Variants in RMND1 observed in about 807,000 individuals in gnomAD.
RMND1 encodes the protein required for meiotic nuclear division 1 homolog.
RMND1 carries 41 observed loss-of-function variants against 54.0 expected under a neutral mutation model. The observed-to-expected ratio is 0.76, with a 90% CI of 0.59 to 0.98. RMND1 has a LOEUF of 0.98. Ranked by LOEUF, RMND1 falls within the 50% of genes least tolerant of loss-of-function variation. The pLI is 0.00. For synonymous variants in RMND1, 183 were observed against 181.7 expected (o/e 1.01, Z -0.06); for missense variants, 457 against 532.0 (o/e 0.86, Z 1.39).
intron 10 of RMND1, chr6:151,411,993 G>A (rs1440027147): frequency 6.6e-6 from 1 of 152,096 alleles, no homozygotes; most frequent in Non-Finnish European, 1.5e-5. Context: ...CCCTACCCTC[G>A]AGCGTAGGCT....
chr6:151,405,366 T>TA lies in RMND1; in HGVS notation c.1318-100dup, dbSNP rs1779576266. The TA allele has an allele frequency of 3.4e-6, 4 of 1,178,760 alleles. No individual in the cohort carries two copies. The African/African-American group carries it at 6.1e-5, about 18-fold the overall frequency. 73.0% of individuals were successfully genotyped at this position (1,178,760 alleles called of 1,614,324 possible). ...TGATTAATGAGAAATGCTCCTGAAG[T>TA]AAGGTAAATGTTTGCCCTTTCTCAC... On this transcript the variant is annotated intron_variant, in intron 11 of 11. Transcript: ENST00000444024.
At position 151,405,209 on chromosome 6, in the gene RMND1, G is replaced by A. The variant is rs372796438; in HGVS notation, c.*26C>T. ...TGATTGTAGAACTTGAATATCTCTT[G>A]CAGTGACACTTTGGTTATCACTTGA... On this transcript the variant is annotated 3_prime_UTR_variant, in exon 12 of 12. Coordinates refer to ENST00000444024, the MANE Select transcript of RMND1 (RefSeq NM_017909.4). 2 of 1,596,466 alleles carry A rather than the reference G, an allele frequency of 1.3e-6. No individual in the cohort carries two copies. The highest frequency in any genetic ancestry group is 4.5e-5 in the East Asian group (2 of 44,732).
intron 4 of RMND1, among the ~76,000 whole-genome samples, chr6:151,432,806 T>C (rs1021820224): frequency 6.6e-6 from 1 of 150,964 alleles, no homozygotes; most frequent in African/African-American, 2.4e-5. Context: ...AGCAGGGAGG[T>C]AGCGGGAGTT....
intron 9 of RMND1, among the ~76,000 whole-genome samples, chr6:151,418,026 G>A (rs144972613): frequency 0.092 from 13,984 of 151,992 alleles, 704 homozygotes; most frequent in Middle Eastern, 0.17. Context: ...GGCTGGTCTC[G>A]AACTCCTGAC....
chr6:151,448,500 T>C (rs1464067826), intron 1 of RMND1, among the ~76,000 whole-genome samples: 1 of 152,172 alleles, frequency 6.6e-6, no homozygotes, highest in Non-Finnish European at 1.5e-5. Context: ...AATAAGTATC[T>C]TTATAACTGC....
At chr6:151,410,157 C>A (rs964709933) in intron 10 of RMND1, among the ~76,000 whole-genome samples, 12 of 151,894 alleles carry the variant, frequency 7.9e-5, no homozygotes, top group African/African-American at 2.9e-4. Flanking sequence ...CGGGTTCACG[C>A]CATTCTCCTG....
At chr6:151,444,499 A>G (rs1359489747) in intron 2 of RMND1, 1 of 152,182 alleles carries the variant, frequency 6.6e-6, no homozygotes, top group African/African-American at 2.4e-5. Context: ...CAGTAATAAA[A>G]ACACAGCCAA....
chr6:151,409,324 G>T (rs564464871), intron 10 of RMND1, among the ~76,000 whole-genome samples: 20 of 152,158 alleles, frequency 1.3e-4, no homozygotes, highest in Admixed American at 1.3e-3. Flanking sequence ...TACTTAGAGG[G>T]AACTAAAAAG....
chr6:151,449,307 TGCAGTGAGCCGAGATC>T (rs915265386), intron 1 of RMND1, among the ~76,000 whole-genome samples: 2 of 149,196 alleles, frequency 1.3e-5, no homozygotes, highest in Admixed American at 1.3e-4. Context: ...AGGTGGAGGT[TGCAGTGAGCCGAGATC>T]GCGCCACTGC....
At chr6:151,439,836 T>A (rs1780722928) in intron 2 of RMND1, among the ~76,000 whole-genome samples, 1 of 152,136 alleles carries the variant, frequency 6.6e-6, no homozygotes, top group Non-Finnish European at 1.5e-5. Flanking sequence ...ATTTTTGTAT[T>A]TTTAGTAGAG....
chr6:151,437,872 G>T (rs978979307), intron 2 of RMND1, among the ~76,000 whole-genome samples: 1 of 152,100 alleles, frequency 6.6e-6, no homozygotes, highest in Non-Finnish European at 1.5e-5. Flanking sequence ...GAGGATCCAT[G>T]CAAACTGAAA....
chr6:151,451,908 CCGCACTGGCGTAACCCGTAACTGTA>C (rs1305492297), intron 1 of RMND1, 83 bp downstream of exon 1: 1 of 152,402 alleles, frequency 6.6e-6, no homozygotes, highest in Non-Finnish European at 1.5e-5. Context: ...AGGGTCACAG[CCGCACTGGCGTAACCCGTAACTGTA>C]CACGTTCCGG....
intron 2 of RMND1, among the ~76,000 whole-genome samples, chr6:151,439,996 G>A (rs141540931): frequency 5.9e-5 from 9 of 152,036 alleles, no homozygotes; most frequent in Non-Finnish European, 8.8e-5. Context: ...TTCCTCTGTC[G>A]CCCAGGCGTG....
At chr6:151,424,752 CAG>C (rs1487350961) in intron 6 of RMND1, among the ~76,000 whole-genome samples, 1 of 148,684 alleles carries the variant, frequency 6.7e-6, no homozygotes, top group African/African-American at 2.5e-5. Context: ...GAATCCTAGA[CAG>C]GGGACAGGGG....
chr6:151,407,044 T>C (rs924341141), intron 10 of RMND1, among the ~76,000 whole-genome samples: 1 of 152,010 alleles, frequency 6.6e-6, no homozygotes, highest in African/African-American at 2.4e-5. Flanking sequence ...TTCTAGCTAC[T>C]TGGCAGGGAT....
intron 9 of RMND1, among the ~76,000 whole-genome samples, chr6:151,419,348 A>T (rs1217160168): frequency 2.0e-5 from 3 of 152,062 alleles, no homozygotes; most frequent in Non-Finnish European, 4.4e-5. Context: ...TACAGGTGTG[A>T]GCCACCGTGC....
chr6:151,433,281 TG>T, intron 3 of RMND1, 51 bp from the exon 4 acceptor site: 1 of 1,214,448 alleles, frequency 8.2e-7, no homozygotes, highest in Non-Finnish European at 1.2e-6. Flanking sequence ...TAACACAAGT[TG>T]TAAGAGTCAC....
chr6:151,409,622 A>G (rs1332430143), intron 10 of RMND1, among the ~76,000 whole-genome samples: 2 of 152,232 alleles, frequency 1.3e-5, no homozygotes, highest in Non-Finnish European at 2.9e-5. Flanking sequence ...CATGGGGCTT[A>G]CATTCTAGTG....
intron 4 of RMND1, among the ~76,000 whole-genome samples, chr6:151,431,361 T>C (rs1780442708): frequency 6.6e-6 from 1 of 152,092 alleles, no homozygotes; most frequent in Non-Finnish European, 1.5e-5. Flanking sequence ...CAGGAGAGTG[T>C]AGTGGTCAGA....
Sources: gnomAD v4.1 joint callset for allele counts (sites outside exome capture counted in the v4.1 genomes callset) on GRCh38, gnomAD v4.1.1 for gene constraint, MANE v1.5 for transcripts, NCBI Gene and HGNC (gene_info 2026-07-23, HGNC 2026-07-21) for gene names.